The following NOD2 variants were observed in gnomAD, a reference collection of about 807,000 sequenced individuals.
The protein encoded by NOD2 is nucleotide binding oligomerization domain containing 2.
Under a neutral mutation model 90.9 loss-of-function variants are expected in NOD2, and 86 were observed. The observed-to-expected ratio is 0.95, with a 90% CI of 0.79 to 1.13. The LOEUF (loss-of-function observed/expected upper bound fraction) is 1.13. Among genes scored for constraint, NOD2 ranks in the 50% most tolerant of loss-of-function variants. The probability of loss-of-function intolerance (pLI) is 0.00; values close to 1 mark genes in which losing one functional copy is unlikely to be tolerated. For missense variants in NOD2, 1,238 were observed against 1,283.8 expected, an observed-to-expected ratio of 0.96 and a Z score of 0.55; for synonymous variants, 581 against 554.6, an observed-to-expected ratio of 1.05 and a Z score of -0.67.
intron 1 of NOD2, among the ~76,000 whole-genome samples, chr16:50,698,944 T>C (rs1282061546): frequency 6.6e-6 from 1 of 151,878 alleles, no homozygotes; most frequent in Non-Finnish European, 1.5e-5. Flanking sequence ...TTTTTTTTTT[T>C]TGAGAAACGG....
intron 4 of NOD2, 113 bp from the exon 5 acceptor site, chr16:50,716,474 G>A: frequency 9.4e-7 from 1 of 1,059,510 alleles, no homozygotes; most frequent in Non-Finnish European, 1.4e-6. Flanking sequence ...GGGTTTCCTG[G>A]AAGCACAGAT....
At chr16:50,695,361 G>C (rs889366253) in intron 1 of NOD2, among the ~76,000 whole-genome samples, 1 of 152,196 alleles carries the variant, frequency 6.6e-6, no homozygotes, top group Non-Finnish European at 1.5e-5. Flanking sequence ...ATGATTCTGA[G>C]TGTTTGGCTC....
intron 7 of NOD2, among the ~76,000 whole-genome samples, chr16:50,721,001 C>T (rs1474806651): frequency 1.3e-5 from 2 of 152,042 alleles, no homozygotes; most frequent in African/African-American, 2.4e-5. Context: ...GACAGGGTTT[C>T]ACCATGTTGG....
At chr16:50,713,535 G>A (rs1290901351) in intron 4 of NOD2, 1 of 152,174 alleles carries the variant, frequency 6.6e-6, no homozygotes, top group African/African-American at 2.4e-5. Context: ...TGCAATGAAT[G>A]TAAATATGAT....
intron 1 of NOD2, among the ~76,000 whole-genome samples, chr16:50,699,128 G>A (rs534243409): frequency 4.5e-4 from 69 of 152,122 alleles, no homozygotes; most frequent in South Asian, 2.5e-3. Context: ...GCGTTTCACC[G>A]TGTTGGCCGG....
chr16:50,716,461 G>A, intron 4 of NOD2, 126 bp from the exon 5 acceptor site: 1 of 943,022 alleles, frequency 1.1e-6, no homozygotes, highest in South Asian at 1.4e-5. Flanking sequence ...CTCCATCTAT[G>A]CAGGGTTTCC....
In NOD2 at chr16:50,711,206, C is replaced by T. The variant is rs2076754; in HGVS notation, c.1214C>T (p.Ala405Val). ...VVTSRPAAVS[A>V]FLRKYIRTEF... ...ACCAGCCGTCCGGCCGCTGTGTCGG[C>T]GTTCCTCAGGAAGTACATCCGCACC... is the stretch of plus-strand genomic sequence containing the variant. Residue 405 changes from alanine (A) to valine (V), a missense_variant, in exon 4 of 12, where the codon GCG (alanine) becomes GTG (valine). Ala to Val is a moderately conservative substitution (Grantham distance 64, BLOSUM62 0). Coordinates refer to ENST00000647318, the MANE Select transcript of NOD2 (RefSeq NM_001370466.1). 1.7e-4 allele frequency: 275 copies of T among 1,613,918 alleles called. No individual in the cohort carries two copies. The highest frequency in any genetic ancestry group is 2.1e-4 in the Non-Finnish European group (252 of 1,180,054).
intron 10 of NOD2, among the ~76,000 whole-genome samples, chr16:50,728,796 C>T (rs1314501110): frequency 6.6e-6 from 1 of 152,184 alleles, no homozygotes; most frequent in East Asian, 1.9e-4. Context: ...GTTGCTGTCC[C>T]TGGCCCTATC....
intron 2 of NOD2, among the ~76,000 whole-genome samples, chr16:50,705,141 A>G (rs1401792041): frequency 6.6e-6 from 1 of 152,146 alleles, no homozygotes; most frequent in African/African-American, 2.4e-5. Flanking sequence ...TCACAGCTCT[A>G]TCTTTAAACT....
intron 2 of NOD2, 26 bp downstream of exon 2, chr16:50,699,980 A>G: frequency 2.5e-6 from 4 of 1,589,730 alleles, no homozygotes; most frequent in South Asian, 2.2e-5. Flanking sequence ...TGTGCATCAC[A>G]GAGTTCTCAG....
Position 50,712,173 on chromosome 16 carries a change from G to A in NOD2, c.2181G>A (p.Leu727=), listed in dbSNP as rs199475915. ...TGTACGAGATGCAGGAGGAGCGGCT[G>A]GCTCGGAAGGCTGCACGTGGCCTGA... ...RSLYEMQEER[L]ARKAARGLNV... The change falls in exon 4 of 12, where the codon CTG becomes CTA. Residue 727 remains leucine, a synonymous_variant. Transcript: ENST00000647318. 2.5e-6 allele frequency: 4 copies of A among 1,613,994 alleles called. No homozygotes were observed. In the East Asian group the frequency reaches 6.7e-5, roughly 27 times the overall value.
chr16:50,708,687 C>T (rs1213921970), intron 3 of NOD2, among the ~76,000 whole-genome samples: 1 of 152,178 alleles, frequency 6.6e-6, no homozygotes, highest in Admixed American at 6.5e-5. Context: ...AGGGCTTGTT[C>T]CTACACCACT....
At chr16:50,693,688 G>C (rs1341945533) in intron 1 of NOD2, 26 bp downstream of exon 1, 2 of 152,450 alleles carry the variant, frequency 1.3e-5, no homozygotes, top group East Asian at 3.9e-4. Context: ...AGCGCCTGGG[G>C]GTGGGCTGGG....
chr16:50,693,791 C>G (rs963612186), intron 1 of NOD2, 129 bp downstream of exon 1: 2 of 152,268 alleles, frequency 1.3e-5, no homozygotes, highest in Admixed American at 1.3e-4. Context: ...AGGGTTGCCT[C>G]GGTTTCTCCT....
At chr16:50,710,483 C>T in intron 3 of NOD2, 75 bp from the exon 4 acceptor site, 1 of 1,600,256 alleles carries the variant, frequency 6.2e-7, no homozygotes. Context: ...GCGTCCCCCG[C>T]AGCAGCCCAT....
chr16:50,717,054 C>T, intron 6 of NOD2, 80 bp downstream of exon 6: 1 of 1,169,608 alleles, frequency 8.5e-7, no homozygotes, highest in Non-Finnish European at 1.3e-6. Flanking sequence ...CTTGGCCTGG[C>T]ACTGCCCACA....
intron 1 of NOD2, chr16:50,697,433 T>A: frequency 9.8e-7 from 1 of 1,016,158 alleles, no homozygotes; most frequent in South Asian, 1.4e-5. Context: ...GTTTCTGGGC[T>A]GTTTTCTGGG....
chr16:50,693,617 T>TCGTGGC lies in NOD2; in HGVS notation c.-52_-47dup, dbSNP rs1283117902. On this transcript the variant is annotated 5_prime_UTR_variant, in exon 1 of 12. Transcript: ENST00000647318. Reference sequence around the variant, plus strand: ...CCCGAGCCGGAGCCGGAGCCGGGAGTCGTGGCCCGGAGTGGGCCTTGGAGT... The same window carrying TCGTGGC: ...CCCGAGCCGGAGCCGGAGCCGGGAGTCGTGGCCGTGGCCCGGAGTGGGCCTTGGAGT... 2 of 151,790 alleles carry TCGTGGC rather than the reference T, an allele frequency of 1.3e-5. No homozygotes were observed. Among genetic ancestry groups the TCGTGGC allele is most frequent in the Admixed American group, 6.6e-5 (1 of 15,200 alleles). The allele number at this position is 151,790 out of a possible 1,614,324, so 9.4% of individuals were successfully genotyped here.
chr16:50,697,502 G>A (rs1392059918), intron 1 of NOD2: 11 of 678,036 alleles, frequency 1.6e-5, no homozygotes, highest in Non-Finnish European at 3.0e-5. Flanking sequence ...GGTGGGGGCC[G>A]CTGTCGCATC....
Sources: allele counts gnomAD v4.1 joint callset (sites outside exome capture counted in the v4.1 genomes callset), GRCh38; gene constraint gnomAD v4.1.1; transcripts MANE v1.5; gene names NCBI Gene and HGNC (gene_info 2026-07-23, HGNC 2026-07-21).